Variants in AATF observed in about 807,000 individuals in gnomAD.
AATF encodes protein AATF.
Under a neutral mutation model 63.7 loss-of-function variants are expected in AATF, and 48 were observed. That is an observed-to-expected ratio of 0.75 (90% CI 0.60 to 0.96). The LOEUF (loss-of-function observed/expected upper bound fraction) is 0.96. Among genes scored for constraint, AATF ranks in the 40% least tolerant of loss-of-function variants. The pLI is 0.00. For missense variants in AATF, 639 were observed against 685.7 expected (o/e 0.93, Z 0.76); for synonymous variants, 258 against 247.7 (o/e 1.04, Z -0.39).
chr17:37,052,138 G>A (rs1436965164), intron 11 of AATF: 3 of 152,240 alleles, frequency 2.0e-5, no homozygotes, highest in Admixed American at 1.3e-4. Flanking sequence ...GGGTATTACA[G>A]ATCAGTGATT....
chr17:37,009,748 C>T (rs1015035503), intron 8 of AATF, among the ~76,000 whole-genome samples: 1 of 133,394 alleles, frequency 7.5e-6, no homozygotes, highest in African/African-American at 2.9e-5. Context: ...ATCCGGGAAG[C>T]GGAGCTTGCG....
chr17:37,010,487 C>T (rs2071382490), intron 8 of AATF, among the ~76,000 whole-genome samples: 1 of 152,044 alleles, frequency 6.6e-6, no homozygotes, highest in South Asian at 2.1e-4. Flanking sequence ...TTATTTTCCC[C>T]TCTGTGTATA....
Position 37,029,930 on chromosome 17 carries a change from T to C in AATF, c.1548-1684T>C, listed in dbSNP as rs548282292. Among the ~76,000 whole-genome samples, 13 of 152,276 alleles carry C rather than the reference T, an allele frequency of 8.5e-5. No homozygotes were observed. In the South Asian group the frequency reaches 1.2e-3, roughly 15 times the overall value. ...GTTGCCCAGGCTGGTCTTGAACTCC[T>C]GGGCTCAGGTGATCTTCTGCCTGGC... On this transcript the variant is annotated intron_variant, in intron 10 of 11. Coordinates refer to ENST00000619387, the MANE Select transcript of AATF (RefSeq NM_012138.4).
chr17:37,014,550 CTT>C (rs1266975032), intron 8 of AATF, among the ~76,000 whole-genome samples: 1 of 152,110 alleles, frequency 6.6e-6, no homozygotes, highest in Non-Finnish European at 1.5e-5. Flanking sequence ...ATGATCACCT[CTT>C]TATATGTAAC....
chr17:36,960,030 C>G (rs573676466), intron 4 of AATF, among the ~76,000 whole-genome samples: 96 of 151,990 alleles, frequency 6.3e-4, no homozygotes, highest in East Asian at 3.9e-4. Context: ...TTTTCCCCCC[C>G]CGAGATGGAG....
intron 11 of AATF, among the ~76,000 whole-genome samples, chr17:37,048,057 TGC>T (rs1176268300): frequency 6.6e-6 from 1 of 152,200 alleles, no homozygotes; most frequent in African/African-American, 2.4e-5. Flanking sequence ...TCCTTTCTTC[TGC>T]TTTGTGGTTT....
chr17:36,962,679 A>G (rs1400734360), intron 4 of AATF, among the ~76,000 whole-genome samples: 1 of 152,174 alleles, frequency 6.6e-6, no homozygotes, highest in Non-Finnish European at 1.5e-5. Context: ...ATAAGAAAGT[A>G]GCCCTGACTT....
chr17:36,961,954 C>T (rs1052696999), intron 4 of AATF, among the ~76,000 whole-genome samples: 30 of 152,148 alleles, frequency 2.0e-4, no homozygotes, highest in Admixed American at 1.9e-3. Context: ...GGATTACAGG[C>T]GTGAGCCACG....
intron 4 of AATF, among the ~76,000 whole-genome samples, chr17:36,958,272 C>T (rs572443839): frequency 1.3e-5 from 2 of 152,154 alleles, no homozygotes; most frequent in African/African-American, 4.8e-5. Context: ...AAGCGATTCT[C>T]CTGTCTCTGC....
rs71380126 is a variant in AATF at position 36,986,290 on chromosome 17, T to C, written c.833-327T>C. On this transcript the variant is annotated intron_variant, in intron 4 of 11. Transcript: ENST00000619387. ...ACTTAACACCAACGGAACAAATTAA[T>C]GGTTATAATGAGAGGCCGGGGAGGA... 4.3e-3 allele frequency among the ~76,000 whole-genome samples: 662 copies of C among 152,316 alleles called. 5 individuals carry two copies. The highest frequency in any genetic ancestry group is 0.015 in the African/African-American group (603 of 41,564).
intron 8 of AATF, among the ~76,000 whole-genome samples, chr17:37,007,359 ATT>A (rs71368436): frequency 0.11 from 11,897 of 112,208 alleles, 643 homozygotes; most frequent in Non-Finnish European, 0.15. Flanking sequence ...GGCTAATTTA[ATT>A]TTTTTTTTTT....
chr17:37,021,665 C>T (rs544988023), intron 10 of AATF, among the ~76,000 whole-genome samples: 2 of 80,260 alleles, frequency 2.5e-5, no homozygotes, highest in Non-Finnish European at 4.3e-5. Context: ...ATTAGCCGGG[C>T]GTAGTGGCGG....
chr17:37,012,773 T>C (rs2071401583), intron 8 of AATF, among the ~76,000 whole-genome samples: 1 of 152,186 alleles, frequency 6.6e-6, no homozygotes, highest in South Asian at 2.1e-4. Context: ...TTTCAACAAA[T>C]GGTATAATGG....
intron 8 of AATF, among the ~76,000 whole-genome samples, chr17:37,012,493 C>G (rs1404203745): frequency 1.3e-5 from 2 of 152,186 alleles, no homozygotes; most frequent in African/African-American, 4.8e-5. Flanking sequence ...AAACCCAATC[C>G]TTTGAGTCTG....
chr17:36,953,628 G>A, intron 3 of AATF, 142 bp from the exon 4 acceptor site: 1 of 816,654 alleles, frequency 1.2e-6, no homozygotes, highest in Non-Finnish European at 1.9e-6. Flanking sequence ...CTCTAATAGA[G>A]AATATTTGTT....
At chr17:37,044,620 G>T (rs1219374874) in intron 11 of AATF, among the ~76,000 whole-genome samples, 1 of 152,194 alleles carries the variant, frequency 6.6e-6, no homozygotes, top group South Asian at 2.1e-4. Context: ...ACCAGGTTTG[G>T]TTCTGATGGC....
At chr17:36,957,377 A>G (rs2070910392) in intron 4 of AATF, among the ~76,000 whole-genome samples, 1 of 152,248 alleles carries the variant, frequency 6.6e-6, no homozygotes. Context: ...GGCATTTGGC[A>G]GTGTTCGACC....
chr17:36,985,737 G>A (rs1304783475), intron 4 of AATF, among the ~76,000 whole-genome samples: 1 of 151,636 alleles, frequency 6.6e-6, no homozygotes, highest in African/African-American at 2.4e-5. Context: ...TTTTAGTAGA[G>A]ATGGGGTTTC....
At chr17:36,979,086 T>C (rs1327641284) in intron 4 of AATF, among the ~76,000 whole-genome samples, 1 of 152,084 alleles carries the variant, frequency 6.6e-6, no homozygotes, top group Non-Finnish European at 1.5e-5. Flanking sequence ...ATTTGTGTCT[T>C]TTTTAAAACA....
Sources: allele counts gnomAD v4.1 joint callset (sites outside exome capture counted in the v4.1 genomes callset), GRCh38; gene constraint gnomAD v4.1.1; transcripts MANE v1.5; gene names NCBI Gene and HGNC (gene_info 2026-07-23, HGNC 2026-07-21).